AFF1: variants seen among roughly 807,000 people sequenced by gnomAD.
AFF1 encodes the protein AF4/FMR2 family member 1.
A neutral mutation model predicts 121.7 loss-of-function variants in AFF1; 48 were observed. The ratio of observed to expected loss-of-function variants is 0.39; its 90% CI spans 0.31 to 0.50. The LOEUF is 0.50. AFF1 is among the 20% of genes least tolerant of loss of function. AFF1 has a pLI of 0.76. For missense variants in AFF1, 1,523 were observed against 1,511.7 expected, an observed-to-expected ratio of 1.01 and a Z score of -0.12; for synonymous variants, 613 against 563.0, an observed-to-expected ratio of 1.09 and a Z score of -1.26.
rs777332489 is a variant in AFF1 at position 87,125,102 on chromosome 4, A to T, written c.2532A>T (p.Ser844=). The T allele has an allele frequency of 6.2e-7, 1 of 1,609,866 alleles. No homozygotes were observed. Among genetic ancestry groups the T allele is most frequent in the East Asian group, 2.2e-5 (1 of 44,826 alleles). ...IRLEKEIKSQ[S]SSSSSSHKES... Reference sequence around the variant, plus strand: ...TGGAGAAGGAAATCAAATCACAGTCATCTTCATCTTCATCCTCCCACAAAG... The same window carrying T: ...TGGAGAAGGAAATCAAATCACAGTCTTCTTCATCTTCATCCTCCCACAAAG... The change falls in exon 13 of 21, where the codon TCA becomes TCT. Residue 844 remains serine (S), a synonymous_variant. Transcript: ENST00000395146.
intron 4 of AFF1, among the ~76,000 whole-genome samples, chr4:87,051,570 C>T (rs1352007919): frequency 1.3e-5 from 2 of 152,136 alleles, no homozygotes; most frequent in South Asian, 2.1e-4. Flanking sequence ...AAGCGATCCT[C>T]CTGCCTCAGC....
chr4:86,969,396 T>G (rs1405095950), intron 2 of AFF1, among the ~76,000 whole-genome samples: 1 of 150,236 alleles, frequency 6.7e-6, no homozygotes, highest in Non-Finnish European at 1.5e-5. Context: ...GGAGAATTGC[T>G]TGAACCCAGG....
At chr4:87,088,781 AT>A (rs1415547036) in intron 5 of AFF1, among the ~76,000 whole-genome samples, 1 of 150,112 alleles carries the variant, frequency 6.7e-6, no homozygotes, top group Non-Finnish European at 1.5e-5. Flanking sequence ...TTTTGTATTT[AT>A]TTATTTATTT....
Position 86,995,281 on chromosome 4 carries a change from TC to T in AFF1, c.38+46711del, listed in dbSNP as rs1560525347. On this transcript the variant is annotated intron_variant, in intron 2 of 20. Transcript: ENST00000395146. ...AAATCTACCCCCTTCCCCCTCCCCC[TC>T]TCCCTCCCCCTCTCCCTCCCTCCCC... Among the ~76,000 whole-genome samples the T allele has an allele frequency of 2.1e-3, 76 of 36,254 alleles. 1 individual carries two copies. Among genetic ancestry groups the T allele is most frequent in the African/African-American group, 9.4e-3 (73 of 7,762 alleles). 23.8% of individuals were successfully genotyped at this position (36,254 alleles called of 152,430 possible).
chr4:87,090,505 T>C (rs1033942047), intron 6 of AFF1, among the ~76,000 whole-genome samples: 1 of 152,224 alleles, frequency 6.6e-6, no homozygotes, highest in African/African-American at 2.4e-5. Flanking sequence ...AACTGCTGAC[T>C]TGTGTGTTTC....
chr4:87,086,856 T>C, intron 5 of AFF1, among the ~76,000 whole-genome samples: 1 of 152,194 alleles, frequency 6.6e-6, no homozygotes, highest in East Asian at 1.9e-4. Context: ...AGTAGTTTCC[T>C]AACAGAGAAA....
chr4:87,126,359 C>G, intron 14 of AFF1, 23 bp downstream of exon 14: 1 of 1,601,330 alleles, frequency 6.2e-7, no homozygotes, highest in Non-Finnish European at 8.6e-7. Flanking sequence ...GGCGGTCACT[C>G]TGTAAGATGG....
At chr4:87,047,704 AG>A (rs898542273) in intron 4 of AFF1, 110 bp downstream of exon 4, 1 of 1,417,904 alleles carries the variant, frequency 7.1e-7, no homozygotes, top group Non-Finnish European at 1.0e-6. Context: ...GCTTTTGGGT[AG>A]GGGGAATTCT....
At chr4:87,012,636 C>T (rs1055487779) in intron 2 of AFF1, among the ~76,000 whole-genome samples, 1 of 152,114 alleles carries the variant, frequency 6.6e-6, no homozygotes, top group Non-Finnish European at 1.5e-5. Context: ...ATAAAGTGTT[C>T]ATTTGCTCAT....
intron 2 of AFF1, among the ~76,000 whole-genome samples, chr4:86,970,914 G>A (rs1411469845): frequency 6.6e-6 from 1 of 152,164 alleles, no homozygotes; most frequent in African/African-American, 2.4e-5. Context: ...GAGGGTGTTT[G>A]GGATGAGGTT....
chr4:86,942,045 G>T (rs1042050967), intron 1 of AFF1, among the ~76,000 whole-genome samples: 5 of 152,008 alleles, frequency 3.3e-5, no homozygotes, highest in African/African-American at 1.2e-4. Context: ...CAAGTTCTTG[G>T]AGCAGAGCAT....
At chr4:87,036,247 T>G (rs2149591784) in intron 2 of AFF1, among the ~76,000 whole-genome samples, 1 of 152,346 alleles carries the variant, frequency 6.6e-6, no homozygotes, top group Admixed American at 6.5e-5. Context: ...GTATATCCCC[T>G]TGCTTGACTG....
At chr4:86,948,787 A>T (rs888692663) in intron 2 of AFF1, among the ~76,000 whole-genome samples, 3 of 152,184 alleles carry the variant, frequency 2.0e-5, no homozygotes, top group Non-Finnish European at 4.4e-5. Flanking sequence ...CTGTTAACTC[A>T]TTTTTTTTAA....
chr4:87,034,475 A>G (rs1578112933), intron 2 of AFF1, among the ~76,000 whole-genome samples: 2 of 152,354 alleles, frequency 1.3e-5, no homozygotes, highest in Non-Finnish European at 2.9e-5. Context: ...TTATAGCAGC[A>G]TGGAGAGATT....
At chr4:87,084,954 A>G (rs962646813) in intron 5 of AFF1, among the ~76,000 whole-genome samples, 9 of 152,246 alleles carry the variant, frequency 5.9e-5, no homozygotes, top group Non-Finnish European at 1.2e-4. Flanking sequence ...CTATGGCCTC[A>G]TACATACAGC....
chr4:87,125,555 T>C (rs1197180124), intron 13 of AFF1, among the ~76,000 whole-genome samples: 2 of 152,176 alleles, frequency 1.3e-5, no homozygotes, highest in Non-Finnish European at 2.9e-5. Context: ...CAGTGCTCCT[T>C]CTTTTAGAGA....
intron 2 of AFF1, among the ~76,000 whole-genome samples, chr4:86,991,349 G>C (rs1724691397): frequency 6.6e-6 from 1 of 151,994 alleles, no homozygotes. Flanking sequence ...GGAGGCTGAG[G>C]CAGGAGAATG....
intron 8 of AFF1, among the ~76,000 whole-genome samples, chr4:87,096,298 C>CTTT (rs10593271): frequency 3.5e-5 from 2 of 57,062 alleles, no homozygotes; most frequent in Non-Finnish European, 3.2e-5. Context: ...TTGTTATTCC[C>CTTT]TTTTTTTTTT....
At chr4:87,002,733 T>G (rs1036919090) in intron 2 of AFF1, among the ~76,000 whole-genome samples, 6 of 152,048 alleles carry the variant, frequency 3.9e-5, no homozygotes, top group African/African-American at 1.5e-4. Context: ...AACGGGCGAT[T>G]TTACTCCTTA....
Sources: allele counts gnomAD v4.1 joint callset (sites outside exome capture counted in the v4.1 genomes callset), GRCh38; gene constraint gnomAD v4.1.1; transcripts MANE v1.5; gene names NCBI Gene and HGNC (gene_info 2026-07-23, HGNC 2026-07-21).